Variants in GABRB3 observed in about 807,000 individuals in gnomAD.
GABRB3 encodes the protein gamma-aminobutyric acid receptor subunit beta-3.
In GABRB3, 14 loss-of-function variants were observed where a neutral mutation model predicts 52.1. The observed-to-expected ratio is 0.27, with a 90% CI of 0.18 to 0.42. GABRB3 has a LOEUF of 0.42. Among genes scored for constraint, GABRB3 ranks in the 10% least tolerant of loss-of-function variants. The pLI, the probability that GABRB3 is intolerant of heterozygous loss-of-function variation, is 1.00. For missense variants in GABRB3, 307 were observed against 609.1 expected (o/e 0.50, Z 5.22); for synonymous variants, 260 against 232.3 (o/e 1.12, Z -1.08).
intron 3 of GABRB3, among the ~76,000 whole-genome samples, chr15:26,668,552 T>C (rs1184858291): frequency 1.3e-5 from 2 of 151,500 alleles, no homozygotes; most frequent in Admixed American, 6.6e-5. Flanking sequence ...TTTCTGTCAA[T>C]TGGCCTGTCA....
chr15:26,674,760 C>A (rs1488495784), intron 3 of GABRB3, among the ~76,000 whole-genome samples: 3 of 152,166 alleles, frequency 2.0e-5, no homozygotes, highest in South Asian at 2.1e-4. Context: ...GAAATTAGAA[C>A]CAGGAAGAGT....
At chr15:26,772,228 C>G (rs574070209) in intron 3 of GABRB3, 174 bp downstream of exon 3, 1 of 527,294 alleles carries the variant, frequency 1.9e-6, no homozygotes, top group South Asian at 2.7e-5. Flanking sequence ...GCGCCCGGGG[C>G]GGGTGCAGGG....
chr15:26,678,753 G>A (rs1007838140), intron 3 of GABRB3, among the ~76,000 whole-genome samples: 2 of 152,168 alleles, frequency 1.3e-5, no homozygotes, highest in Non-Finnish European at 2.9e-5. Flanking sequence ...GTATACACTG[G>A]GAAGCTGCTT....
intron 3 of GABRB3, among the ~76,000 whole-genome samples, chr15:26,683,980 T>A (rs1888322540): frequency 6.6e-6 from 1 of 151,980 alleles, no homozygotes; most frequent in Non-Finnish European, 1.5e-5. Context: ...TTATAAGGAA[T>A]ATAATAGGTT....
intron 3 of GABRB3, chr15:26,624,305 C>T: frequency 1.0e-6 from 1 of 985,612 alleles, no homozygotes; most frequent in Non-Finnish European, 1.2e-6. Flanking sequence ...CACAGAGTTT[C>T]TCTACTATCA....
intron 3 of GABRB3, among the ~76,000 whole-genome samples, chr15:26,705,706 G>A (rs779004154): frequency 6.6e-6 from 1 of 152,178 alleles, no homozygotes; most frequent in Non-Finnish European, 1.5e-5. Flanking sequence ...GACAAAAGAT[G>A]AGGGTGGACA....
At chr15:26,554,176 G>GTATA (rs71130258) in intron 8 of GABRB3, among the ~76,000 whole-genome samples, 4 of 27,344 alleles carry the variant, frequency 1.5e-4, no homozygotes, top group Admixed American at 6.6e-4. Context: ...TATATATAAA[G>GTATA]TATATATATA....
At chr15:26,614,497 T>C (rs1892187036) in intron 4 of GABRB3, 1 of 152,194 alleles carries the variant, frequency 6.6e-6, no homozygotes, top group Non-Finnish European at 1.5e-5. Flanking sequence ...ATATACTTTA[T>C]TGCTGGTGGG....
rs117873068 is a variant in GABRB3 at position 26,600,968 on chromosome 15, G to A, written c.462-17554C>T. Among the ~76,000 whole-genome samples, 298 of 152,230 alleles carry A rather than the reference G, an allele frequency of 2.0e-3. 6 individuals carry two copies. The East Asian group carries it at 0.036, about 18-fold the overall frequency. ...ACGAAATGAGGTAAATTCTGACATC[G>A]AAGCATAAAATGTGTGTGGGGGGGA... is the stretch of plus-strand genomic sequence containing the variant. On this transcript the variant is annotated intron_variant, in intron 4 of 8. Coordinates refer to ENST00000311550, the MANE Select transcript of GABRB3 (RefSeq NM_000814.6).
chr15:26,551,173 G>T (rs577253833), intron 8 of GABRB3, among the ~76,000 whole-genome samples: 1 of 152,128 alleles, frequency 6.6e-6, no homozygotes, highest in Non-Finnish European at 1.5e-5. Context: ...AGGCCAGTGA[G>T]GTTTTTGTTT....
At chr15:26,552,440 A>C (rs1889510011) in intron 8 of GABRB3, among the ~76,000 whole-genome samples, 1 of 152,216 alleles carries the variant, frequency 6.6e-6, no homozygotes, top group Non-Finnish European at 1.5e-5. Context: ...AGAGTTTCTC[A>C]TTGTACCAAG....
chr15:26,665,052 T>G (rs899246315), intron 3 of GABRB3, among the ~76,000 whole-genome samples: 1 of 152,170 alleles, frequency 6.6e-6, no homozygotes, highest in African/African-American at 2.4e-5. Flanking sequence ...AGTTATTTTT[T>G]TAACATTTTA....
In GABRB3 at chr15:26,567,759, C is replaced by T. The variant is rs775320872; in HGVS notation, c.683-26G>A. On this transcript the variant is annotated intron_variant, in intron 6 of 8. Transcript: ENST00000311550. ...CTATGGGAAACAGACAAGGATATTA[C>T]ACTGGAGAAACAACATGGCAGACTA... 8 of 1,611,696 alleles carry T rather than the reference C, an allele frequency of 5.0e-6. No individual in the cohort carries two copies. The South Asian group carries it at 7.7e-5, about 15-fold the overall frequency.
At chr15:26,683,470 T>G (rs1193133211) in intron 3 of GABRB3, among the ~76,000 whole-genome samples, 1 of 152,162 alleles carries the variant, frequency 6.6e-6, no homozygotes, top group Non-Finnish European at 1.5e-5. Context: ...CCTAGTCCAG[T>G]TCCTGATATA....
At chr15:26,654,653 G>A (rs536050283) in intron 3 of GABRB3, among the ~76,000 whole-genome samples, 88 of 152,158 alleles carry the variant, frequency 5.8e-4, no homozygotes, top group African/African-American at 2.0e-3. Context: ...CCCCACTCCT[G>A]GGTAGGCTGA....
intron 3 of GABRB3, among the ~76,000 whole-genome samples, chr15:26,634,881 G>A: frequency 1.4e-5 from 2 of 138,418 alleles, no homozygotes; most frequent in South Asian, 4.9e-4. Flanking sequence ...CATATTTATA[G>A]AGAGAAAAAA....
intron 4 of GABRB3, among the ~76,000 whole-genome samples, chr15:26,616,972 A>G (rs78623360): frequency 0.18 from 27,294 of 151,812 alleles, 2,544 homozygotes; most frequent in African/African-American, 0.26. Context: ...AAAAAACAAA[A>G]AGTGTATGTG....
At chr15:26,551,181 T>G (rs969943329) in intron 8 of GABRB3, among the ~76,000 whole-genome samples, 7 of 152,166 alleles carry the variant, frequency 4.6e-5, no homozygotes, top group African/African-American at 1.7e-4. Context: ...GAGGTTTTTG[T>G]TTTTTGTATG....
intron 3 of GABRB3, among the ~76,000 whole-genome samples, chr15:26,648,253 ACTG>A (rs1025638961): frequency 1.3e-5 from 2 of 152,098 alleles, no homozygotes; most frequent in Admixed American, 1.3e-4. Context: ...GTCCTTTGTG[ACTG>A]CTTTTTTCAC....
Sources: gnomAD v4.1 joint callset for allele counts (sites outside exome capture counted in the v4.1 genomes callset) on GRCh38, gnomAD v4.1.1 for gene constraint, MANE v1.5 for transcripts, NCBI Gene and HGNC (gene_info 2026-07-23, HGNC 2026-07-21) for gene names.